NBEA: variants seen among roughly 807,000 people sequenced by gnomAD.
NBEA encodes neurobeachin, also known as lysosomal-trafficking regulator 2.
In NBEA, 44 loss-of-function variants were observed where a neutral mutation model predicts 343.4. The observed-to-expected ratio is 0.13, with a 90% CI of 0.10 to 0.16. The LOEUF is 0.16. NBEA is among the 10% of genes least tolerant of loss of function. The pLI is 1.00. For synonymous variants in NBEA, 1,175 were observed against 1,238.7 expected (o/e 0.95, Z 1.08); for missense variants, 2,555 against 3,631.3 (o/e 0.70, Z 7.62).
At chr13:35,591,577 T>C (rs1238033932) in intron 46 of NBEA, among the ~76,000 whole-genome samples, 1 of 152,100 alleles carries the variant, frequency 6.6e-6, no homozygotes. Context: ...GTTGATCTTA[T>C]CTCTTTCATC....
chr13:35,189,140 A>G lies in NBEA; in HGVS notation c.4927+5069A>G, dbSNP rs531163520. On this transcript the variant is annotated intron_variant, in intron 30 of 58. Coordinates refer to ENST00000379939, the MANE Select transcript of NBEA (RefSeq NM_001385012.1). ...CACCATCTTGGCCAGGCTGGGCTTG[A>G]ACTCCCCACCCCAAGTGATCCACCT... 2.0e-5 allele frequency among the ~76,000 whole-genome samples: 3 copies of G among 151,666 alleles called. No homozygotes were observed. In the South Asian group the frequency reaches 6.3e-4, roughly 32 times the overall value.
At chr13:35,338,853 A>T (rs182666968) in intron 36 of NBEA, among the ~76,000 whole-genome samples, 4 of 152,240 alleles carry the variant, frequency 2.6e-5, no homozygotes, top group Non-Finnish European at 5.9e-5. Flanking sequence ...CATGAAAATC[A>T]ATCAACGTAA....
chr13:35,289,447 T>C (rs930878200), intron 34 of NBEA, among the ~76,000 whole-genome samples: 1 of 151,890 alleles, frequency 6.6e-6, no homozygotes, highest in Non-Finnish European at 1.5e-5. Context: ...AACAGTGTTT[T>C]TAATACTTGA....
At chr13:35,106,664 A>G (rs1393994383) in intron 11 of NBEA, among the ~76,000 whole-genome samples, 1 of 151,990 alleles carries the variant, frequency 6.6e-6, no homozygotes. Flanking sequence ...GTAGGTCAAT[A>G]AAAAGACACA....
intron 30 of NBEA, among the ~76,000 whole-genome samples, chr13:35,189,098 T>G (rs2071978139): frequency 6.6e-6 from 1 of 151,904 alleles, no homozygotes. Context: ...TTTGTATTTT[T>G]AGTAGAGACG....
At chr13:35,566,536 T>G (rs1382113495) in intron 44 of NBEA, among the ~76,000 whole-genome samples, 1 of 152,080 alleles carries the variant, frequency 6.6e-6, no homozygotes, top group Non-Finnish European at 1.5e-5. Flanking sequence ...GAGACACACA[T>G]GCAGGAAGTT....
At chr13:35,082,269 A>T (rs1048926523) in intron 10 of NBEA, among the ~76,000 whole-genome samples, 1 of 152,186 alleles carries the variant, frequency 6.6e-6, no homozygotes. Flanking sequence ...ATGGCTGTAT[A>T]GTATTCCATG....
intron 17 of NBEA, among the ~76,000 whole-genome samples, chr13:35,137,354 G>A (rs1336961718): frequency 6.6e-6 from 1 of 151,828 alleles, no homozygotes; most frequent in Non-Finnish European, 1.5e-5. Flanking sequence ...GGAGACTGAG[G>A]CAGGAGAATG....
At chr13:35,531,233 T>C (rs904153294) in intron 41 of NBEA, among the ~76,000 whole-genome samples, 1 of 152,216 alleles carries the variant, frequency 6.6e-6, no homozygotes, top group African/African-American at 2.4e-5. Context: ...ATTATTATTC[T>C]GGGTTGCACC....
intron 47 of NBEA, among the ~76,000 whole-genome samples, chr13:35,595,845 G>C (rs769569952): frequency 2.2e-4 from 33 of 152,034 alleles, no homozygotes; most frequent in Non-Finnish European, 4.6e-4. Flanking sequence ...ACTTCTGCTA[G>C]TCTGGCAAGT....
intron 52 of NBEA, 33 bp downstream of exon 52, chr13:35,649,880 A>C: frequency 6.3e-7 from 1 of 1,590,846 alleles, no homozygotes; most frequent in Non-Finnish European, 8.5e-7. Flanking sequence ...CTTACTAAAG[A>C]TTTCTTAAAA....
At chr13:35,447,491 T>TAG (rs2046106381) in intron 39 of NBEA, among the ~76,000 whole-genome samples, 1 of 102,344 alleles carries the variant, frequency 9.8e-6, no homozygotes, top group Non-Finnish European at 2.4e-5. Context: ...TACAGAGCTT[T>TAG]ATATATATAT....
chr13:35,282,614 T>G (rs1408993441), intron 34 of NBEA, among the ~76,000 whole-genome samples: 1 of 152,194 alleles, frequency 6.6e-6, no homozygotes, highest in South Asian at 2.1e-4. Context: ...TTTCCCTTAT[T>G]TCATCCGTAC....
intron 35 of NBEA, among the ~76,000 whole-genome samples, chr13:35,298,211 G>GTGTGTGTATA (rs1233681936): frequency 9.7e-6 from 1 of 103,042 alleles, no homozygotes; most frequent in African/African-American, 4.3e-5. Context: ...GTGTGTGTGT[G>GTGTGTGTATA]TATATATATA....
chr13:35,273,882 A>C (rs2034373383), intron 34 of NBEA, among the ~76,000 whole-genome samples: 1 of 152,194 alleles, frequency 6.6e-6, no homozygotes, highest in Non-Finnish European at 1.5e-5. Context: ...ATAGCCTACC[A>C]ACCAAAAAAA....
chr13:35,539,828 A>G (rs1175026225), intron 41 of NBEA, among the ~76,000 whole-genome samples: 1 of 145,354 alleles, frequency 6.9e-6, no homozygotes, highest in African/African-American at 2.6e-5. Flanking sequence ...AGGCAGGAGA[A>G]TGGCGTGAAC....
Position 35,044,698 on chromosome 13 carries a change from G to A in NBEA, c.527-249G>A, listed in dbSNP as rs142674108. On this transcript the variant is annotated intron_variant, in intron 2 of 58. Transcript: ENST00000379939. ...ATTTCTGCTAAGACAGCTTAATTGC[G>A]GTGGTAATTTAATGGGGGAAAATCA... Among the ~76,000 whole-genome samples, 116 of 151,132 alleles carry A rather than the reference G, an allele frequency of 7.7e-4. 1 individual carries two copies. Among genetic ancestry groups the A allele is most frequent in the African/African-American group, 2.8e-3 (115 of 41,154 alleles).
At chr13:35,189,305 A>AT (rs1314029910) in intron 30 of NBEA, among the ~76,000 whole-genome samples, 4 of 152,040 alleles carry the variant, frequency 2.6e-5, no homozygotes, top group East Asian at 3.9e-4. Context: ...GAAGTTGAGC[A>AT]TTTTTTATAT....
At chr13:35,042,231 GGGTGGC>G (rs1392255573) in intron 2 of NBEA, among the ~76,000 whole-genome samples, 7 of 151,650 alleles carry the variant, frequency 4.6e-5, no homozygotes, top group African/African-American at 1.7e-4. Context: ...ATTACCTTCA[GGGTGGC>G]ATATATCTTT....
Sources: allele counts gnomAD v4.1 joint callset (sites outside exome capture counted in the v4.1 genomes callset), GRCh38; gene constraint gnomAD v4.1.1; transcripts MANE v1.5; gene names NCBI Gene and HGNC (gene_info 2026-07-23, HGNC 2026-07-21).